Variants in SLC22A25 observed in about 807,000 individuals in gnomAD.
SLC22A25 encodes the protein solute carrier family 22 member 25, also known as MGI:2442751, MGI:2385316, MGI:3042283, MGI:3645714, MGI:3605624, MGI:2442750.
In SLC22A25, 44 loss-of-function variants were observed where a neutral mutation model predicts 45.9. That is an observed-to-expected ratio of 0.96 (90% confidence interval 0.75 to 1.23). SLC22A25 has a LOEUF of 1.23. Ranked by LOEUF, SLC22A25 falls within the 50% of genes most tolerant of loss-of-function variation. The pLI, the probability that SLC22A25 is intolerant of heterozygous loss-of-function variation, is 0.00. For synonymous variants in SLC22A25, 283 were observed against 238.6 expected (o/e 1.19, Z -1.72); for missense variants, 800 against 666.4 (o/e 1.20, Z -2.21).
At position 63,200,977 on chromosome 11, in the gene SLC22A25, A is replaced by G. The variant is rs568766515; in HGVS notation, c.830+16337T>C. Among the ~76,000 whole-genome samples the G allele has an allele frequency of 9.2e-5, 14 of 152,334 alleles. No homozygotes were observed. The South Asian group carries it at 2.3e-3, about 25-fold the overall frequency. On this transcript the variant is annotated intron_variant, in intron 7 of 11. Transcript: ENST00000306494. Reference sequence around the variant, plus strand: ...GAGGTGAAAGATCTCTACAAGGAGAACTACAAACCACTGCTCAAAGAAATC... The same window carrying G: ...GAGGTGAAAGATCTCTACAAGGAGAGCTACAAACCACTGCTCAAAGAAATC...
Position 63,162,204 on chromosome 11 carries a change from C to T in SLC22A25, c.*1620G>A, listed in dbSNP as rs1436266445. On this transcript the variant is annotated 3_prime_UTR_variant, in exon 12 of 12. Coordinates refer to ENST00000306494, the MANE Select transcript of SLC22A25 (RefSeq NM_199352.6). The stretch of plus-strand genomic sequence containing the variant: ...GGGGTAGTTTGCAAGTATTTTCTCC[C>T]ATTCTGTGGGTTGCCTCTTTACTTT... 6.6e-6 allele frequency among the ~76,000 whole-genome samples: 1 copy of T among 152,164 alleles called. No homozygotes were observed. The highest frequency in any genetic ancestry group is 1.5e-5 in the Non-Finnish European group (1 of 68,020).
At chr11:63,204,737 T>C (rs565312711) in intron 7 of SLC22A25, among the ~76,000 whole-genome samples, 52 of 152,264 alleles carry the variant, frequency 3.4e-4, no homozygotes, top group African/African-American at 1.2e-3. Context: ...CCACTGTCAA[T>C]ATTAGATAGA....
At chr11:63,189,118 T>C (rs1590824098) in intron 7 of SLC22A25, among the ~76,000 whole-genome samples, 1 of 152,150 alleles carries the variant, frequency 6.6e-6, no homozygotes, top group Admixed American at 6.5e-5. Context: ...TTCTGTCTCA[T>C]TGATCTGTCT....
At chr11:63,199,051 A>T (rs1565095801) in intron 7 of SLC22A25, among the ~76,000 whole-genome samples, 1 of 152,126 alleles carries the variant, frequency 6.6e-6, no homozygotes, top group African/African-American at 2.4e-5. Flanking sequence ...AATAATCAAA[A>T]TTAAAGCTGC....
chr11:63,164,137 T>C, intron 11 of SLC22A25, 64 bp from the exon 12 acceptor site: 1 of 1,519,616 alleles, frequency 6.6e-7, no homozygotes. Context: ...TTGTGATTTA[T>C]CATTTTGCTG....
chr11:63,213,882 G>A (rs1180202890), intron 7 of SLC22A25, among the ~76,000 whole-genome samples: 1 of 152,216 alleles, frequency 6.6e-6, no homozygotes, highest in African/African-American at 2.4e-5. Flanking sequence ...TGCAAGGTAT[G>A]TAGTAGTGAT....
intron 7 of SLC22A25, among the ~76,000 whole-genome samples, chr11:63,212,951 A>G (rs752334829): frequency 3.3e-5 from 5 of 152,306 alleles, no homozygotes; most frequent in East Asian, 1.9e-4. Flanking sequence ...CCTCCAAGGA[A>G]TAGAGAGGCT....
intron 1 of SLC22A25, among the ~76,000 whole-genome samples, chr11:63,242,058 T>C (rs1329701270): frequency 6.6e-6 from 1 of 152,204 alleles, no homozygotes; most frequent in Non-Finnish European, 1.5e-5. Flanking sequence ...TTTTGTCTAA[T>C]GGAGCAGATT....
intron 7 of SLC22A25, among the ~76,000 whole-genome samples, chr11:63,193,233 A>G (rs1256598558): frequency 6.6e-6 from 1 of 152,248 alleles, no homozygotes; most frequent in African/African-American, 2.4e-5. Flanking sequence ...AGCATGAGTG[A>G]TGAAGAAGAT....
intron 5 of SLC22A25, 36 bp from the exon 6 acceptor site, chr11:63,217,771 T>A: frequency 2.6e-6 from 4 of 1,567,792 alleles, no homozygotes; most frequent in Non-Finnish European, 3.4e-6. Flanking sequence ...ATGGGAACAA[T>A]AACAACCTTT....
rs114653071 is a variant in SLC22A25, at chr11:63,176,208, G to A, written c.1070+4452C>T. On this transcript the variant is annotated intron_variant, in intron 9 of 11. Coordinates refer to ENST00000306494, the MANE Select transcript of SLC22A25 (RefSeq NM_199352.6). ...GGTAGTTTTATCTATTCTAAAATTT[G>A]TATGGTTCCCATAGGATTTTAGGAT... Among the ~76,000 whole-genome samples the A allele has an allele frequency of 3.0e-3, 453 of 152,100 alleles. 2 individuals carry two copies. The highest frequency in any genetic ancestry group is 0.01 in the African/African-American group (432 of 41,550).
At chr11:63,220,295 A>G (rs6591778) in intron 5 of SLC22A25, among the ~76,000 whole-genome samples, 69,390 of 151,988 alleles carry the variant, frequency 0.46, 16,062 homozygotes, top group East Asian at 0.56. Flanking sequence ...ATCATGCTCC[A>G]GGCACAAGCC....
chr11:63,167,945 TA>T (rs2087741567), intron 9 of SLC22A25: 1 of 403,386 alleles, frequency 2.5e-6, no homozygotes, highest in Non-Finnish European at 5.0e-6. Flanking sequence ...GGTGCTCCTC[TA>T]AAATGAAGCT....
At chr11:63,210,026 G>T (rs2134798153) in intron 7 of SLC22A25, among the ~76,000 whole-genome samples, 1 of 152,332 alleles carries the variant, frequency 6.6e-6, no homozygotes, top group South Asian at 2.1e-4. Context: ...CAATGAATAT[G>T]AGTAAAATAT....
At chr11:63,211,750 G>C (rs1371535067) in intron 7 of SLC22A25, among the ~76,000 whole-genome samples, 1 of 152,108 alleles carries the variant, frequency 6.6e-6, no homozygotes, top group East Asian at 1.9e-4. Context: ...TCAGGACATA[G>C]GCATGGGCAA....
Position 63,183,791 on chromosome 11 carries a change from A to T in SLC22A25, c.857T>A (p.Leu286His). 1.2e-6 allele frequency: 2 copies of T among 1,613,010 alleles called. No individual in the cohort carries two copies. The highest frequency in any genetic ancestry group is 1.1e-5 in the South Asian group (1 of 91,010). The change falls in exon 8 of 12, where the codon CTC becomes CAC. Residue 286 changes from leucine (L) to histidine (H), a missense_variant. Physicochemically the swap from Leu to His is moderately conservative, Grantham distance 99 (BLOSUM62 -3). Transcript: ENST00000306494. ...SRWLAESARW[L>H]IINNKPEEGL... Reference sequence around the variant, plus strand: ...CTCTTCTGGTTTGTTGTTGATAATGAGCCACCGAGCAGACTCTGCCAGCCA... The same window carrying T: ...CTCTTCTGGTTTGTTGTTGATAATGTGCCACCGAGCAGACTCTGCCAGCCA...
chr11:63,211,398 C>A (rs1264412684), intron 7 of SLC22A25, among the ~76,000 whole-genome samples: 2 of 152,132 alleles, frequency 1.3e-5, no homozygotes, highest in Non-Finnish European at 2.9e-5. Context: ...GCCATAGTAC[C>A]CAACCCTTAC....
At chr11:63,235,301 C>G (rs1409051064) in intron 3 of SLC22A25, among the ~76,000 whole-genome samples, 1 of 152,214 alleles carries the variant, frequency 6.6e-6, no homozygotes, top group African/African-American at 2.4e-5. Flanking sequence ...TAGATTTGTT[C>G]TTTTCACATA....
At position 63,232,642 on chromosome 11, in the gene SLC22A25, T is replaced by C. The variant is rs563783599; in HGVS notation, c.-444-2546A>G. ...CCCTTTATTCCCTTCTCCTGCCTGA[T>C]TGCCCTGGCCAGAACTTCCAACACT... On this transcript the variant is annotated intron_variant, in intron 3 of 11. Coordinates refer to ENST00000306494, the MANE Select transcript of SLC22A25 (RefSeq NM_199352.6). Among the ~76,000 whole-genome samples, 10 of 152,280 alleles carry C rather than the reference T, an allele frequency of 6.6e-5. No individual in the cohort carries two copies. The South Asian group carries it at 1.9e-3, about 28-fold the overall frequency.
Sources: gnomAD v4.1 joint callset for allele counts (sites outside exome capture counted in the v4.1 genomes callset) on GRCh38, gnomAD v4.1.1 for gene constraint, MANE v1.5 for transcripts, NCBI Gene and HGNC (gene_info 2026-07-23, HGNC 2026-07-21) for gene names.